BRD4: variants seen among roughly 807,000 people sequenced by gnomAD.
BRD4 encodes the protein bromodomain-containing protein 4.
A neutral mutation model predicts 142.1 loss-of-function variants in BRD4; 16 were observed. The ratio of observed to expected loss-of-function variants is 0.11; its 90% confidence interval spans 0.08 to 0.17. The LOEUF (loss-of-function observed/expected upper bound fraction) is 0.17. Among genes scored for constraint, BRD4 ranks in the 10% least tolerant of loss-of-function variants. The pLI, the probability that BRD4 is intolerant of heterozygous loss-of-function variation, is 1.00. For synonymous variants in BRD4, 833 were observed against 707.5 expected (o/e 1.18, Z -2.82); for missense variants, 1,424 against 1,810.9 (o/e 0.79, Z 3.88).
chr19:15,322,697 C>CAAAAAAAAAA (rs78397797), intron 1 of BRD4, among the ~76,000 whole-genome samples: 1 of 92,294 alleles, frequency 1.1e-5, no homozygotes, highest in Non-Finnish European at 2.2e-5. Flanking sequence ...CTAAAAAATA[C>CAAAAAAAAAA]AAAAAAAAAA....
intron 1 of BRD4, among the ~76,000 whole-genome samples, chr19:15,293,831 G>T (rs1345322128): frequency 6.6e-6 from 1 of 152,078 alleles, no homozygotes; most frequent in Non-Finnish European, 1.5e-5. Context: ...TCCTGCTCGT[G>T]GTAACCACTA....
chr19:15,238,329 A>T lies in BRD4; in HGVS notation c.*48T>A, dbSNP rs763563522. 1.2e-6 allele frequency: 2 copies of T among 1,612,572 alleles called. No homozygotes were observed. The highest frequency in any genetic ancestry group is 2.2e-5 in the South Asian group (2 of 90,902). ...CACCACCGCCCCTAACACTATGGAA[A>T]GTCAATGTTTTGCCAGAAAATCAAA... On this transcript the variant is annotated 3_prime_UTR_variant, in exon 20 of 20. Coordinates refer to ENST00000679869, the MANE Select transcript of BRD4 (RefSeq NM_001379291.1). This position sits in a 1 kb window ranked among gnomAD's most constrained non-coding sequence, Gnocchi z 7.2.
At chr19:15,242,050 G>C (rs542576674) in intron 14 of BRD4, among the ~76,000 whole-genome samples, 2 of 152,224 alleles carry the variant, frequency 1.3e-5, no homozygotes, top group South Asian at 4.1e-4. Flanking sequence ...CTGACATCAG[G>C]TGATCCACCT....
At chr19:15,310,064 T>G (rs1233508746) in intron 1 of BRD4, among the ~76,000 whole-genome samples, 1 of 151,640 alleles carries the variant, frequency 6.6e-6, no homozygotes, top group East Asian at 1.9e-4. Context: ...AAATGTTAAT[T>G]CTGTGAGCCT....
At chr19:15,302,832 C>T (rs1224165281) in intron 1 of BRD4, among the ~76,000 whole-genome samples, 3 of 151,474 alleles carry the variant, frequency 2.0e-5, no homozygotes, top group Non-Finnish European at 4.4e-5. Context: ...AGTGAAACCC[C>T]GTCTCTACTA....
At chr19:15,294,866 T>C (rs2047810921) in intron 1 of BRD4, among the ~76,000 whole-genome samples, 1 of 152,160 alleles carries the variant, frequency 6.6e-6, no homozygotes, top group South Asian at 2.1e-4. Context: ...TCAAGGATAT[T>C]GAAAGGTGTG....
intron 1 of BRD4, among the ~76,000 whole-genome samples, chr19:15,331,061 G>A (rs1324495321): frequency 6.6e-6 from 1 of 152,006 alleles, no homozygotes; most frequent in Non-Finnish European, 1.5e-5. Flanking sequence ...ATTCCAAGGG[G>A]TCACTAGCAT....
In BRD4 at chr19:15,238,030, C is replaced by T. The variant is rs200367617; in HGVS notation, c.*347G>A. 3.9e-5 allele frequency: 10 copies of T among 258,340 alleles called. No individual in the cohort carries two copies. Among genetic ancestry groups the T allele is most frequent in the Non-Finnish European group, 5.9e-5 (8 of 135,112 alleles). The allele number at this position is 258,340 out of a possible 1,614,324, so 16.0% of individuals were successfully genotyped here. ...AGAAAACCAGTCACGGCGGCAGCAA[C>T]GATGTCCTGTGTATACTGTGTAGAC... On this transcript the variant is annotated 3_prime_UTR_variant, in exon 20 of 20. Coordinates refer to ENST00000679869, the MANE Select transcript of BRD4 (RefSeq NM_001379291.1). The surrounding 1 kb of genome is among the most constrained non-coding windows in gnomAD (Gnocchi z 7.2).
chr19:15,238,800 C>T lies in BRD4; in HGVS notation c.3963G>A (p.Leu1321=). The change falls in exon 19 of 20, where the codon CTG becomes CTA. Residue 1321 remains leucine (L), a synonymous_variant. Transcript: ENST00000679869. This position sits in a 1 kb window ranked among gnomAD's most constrained non-coding sequence, Gnocchi z 7.2. ...TCCGGGCCAACTCCCTCTGCTGGTC[C>T]AGCATGGACTGGGGCTGGGAGCTCT... ...QAQSSQPQSM[L]DQQRELARKR... 1 of 1,598,174 alleles carries T rather than the reference C, an allele frequency of 6.3e-7. No homozygotes were observed. The highest frequency in any genetic ancestry group is 8.5e-7 in the Non-Finnish European group (1 of 1,169,960).
chr19:15,287,396 A>C (rs1357748258), intron 1 of BRD4, among the ~76,000 whole-genome samples: 1 of 152,200 alleles, frequency 6.6e-6, no homozygotes, highest in African/African-American at 2.4e-5. Flanking sequence ...ATCTAGCTCC[A>C]GAACTTTTTA....
chr19:15,269,088 C>G, intron 2 of BRD4, 46 bp from the exon 3 acceptor site: 1 of 1,608,344 alleles, frequency 6.2e-7, no homozygotes, highest in Non-Finnish European at 8.5e-7. Flanking sequence ...GGCAGCCAGG[C>G]AGCACAAACG....
At chr19:15,261,481 CAAAA>C (rs1022955991) in intron 7 of BRD4, among the ~76,000 whole-genome samples, 3 of 141,768 alleles carry the variant, frequency 2.1e-5, no homozygotes, top group Non-Finnish European at 4.6e-5. Context: ...GACTCCATCT[CAAAA>C]AAAAAAGAAA....
At chr19:15,325,086 C>T (rs758699303) in intron 1 of BRD4, among the ~76,000 whole-genome samples, 4 of 152,166 alleles carry the variant, frequency 2.6e-5, no homozygotes, top group East Asian at 3.9e-4. Context: ...TATTCTTCAC[C>T]TTGGGCAAGG....
rs549500761 is a variant in BRD4, at chr19:15,330,704, T to C, written c.-35+1586A>G. 2.4e-4 allele frequency among the ~76,000 whole-genome samples: 37 copies of C among 152,182 alleles called. No individual in the cohort carries two copies. The South Asian group carries it at 6.9e-3, about 28-fold the overall frequency. On this transcript the variant is annotated intron_variant, in intron 1 of 19. Transcript: ENST00000679869. ...ATCGCTTGAACCCAGGAGGCAGAGG[T>C]TGCAGTGAGCCGAGATCGCGCCACT...
At chr19:15,294,185 C>G (rs1438507687) in intron 1 of BRD4, among the ~76,000 whole-genome samples, 1 of 152,246 alleles carries the variant, frequency 6.6e-6, no homozygotes, top group Non-Finnish European at 1.5e-5. Flanking sequence ...TACTCTGAAA[C>G]TAAACATTTC....
rs149695192 is a variant in BRD4 at position 15,245,382 on chromosome 19, G to A, written c.2159-620C>T. Among the ~76,000 whole-genome samples the A allele has an allele frequency of 3.2e-4, 49 of 152,024 alleles. No homozygotes were observed. The East Asian group carries it at 6.0e-3, about 19-fold the overall frequency. On this transcript the variant is annotated intron_variant, in intron 11 of 19. Coordinates refer to ENST00000679869, the MANE Select transcript of BRD4 (RefSeq NM_001379291.1). Reference sequence around the variant, plus strand: ...AGGGAAAACACAGAGAGCCCACTCCGGGAGAAAAAAAAGGAGCAGGCTGGC... The same window carrying A: ...AGGGAAAACACAGAGAGCCCACTCCAGGAGAAAAAAAAGGAGCAGGCTGGC...
At chr19:15,312,664 G>A (rs2047982052) in intron 1 of BRD4, among the ~76,000 whole-genome samples, 2 of 151,780 alleles carry the variant, frequency 1.3e-5, no homozygotes, top group African/African-American at 4.8e-5. Flanking sequence ...GGCTGTGCAC[G>A]GTGGCTCACA....
At chr19:15,276,309 G>T (rs910148185) in intron 1 of BRD4, among the ~76,000 whole-genome samples, 1 of 152,164 alleles carries the variant, frequency 6.6e-6, no homozygotes, top group Non-Finnish European at 1.5e-5. Flanking sequence ...CTTTTCTAAG[G>T]CCCAGATTTG....
At chr19:15,246,181 T>C (rs1315732943) in intron 11 of BRD4, among the ~76,000 whole-genome samples, 2 of 152,010 alleles carry the variant, frequency 1.3e-5, no homozygotes, top group African/African-American at 4.8e-5. Flanking sequence ...GAGTATGACA[T>C]CTGATGAGAG....
Sources: allele counts gnomAD v4.1 joint callset (sites outside exome capture counted in the v4.1 genomes callset), GRCh38; gene constraint gnomAD v4.1.1; non-coding constraint Gnocchi (gnomAD v3.1); transcripts MANE v1.5; gene names NCBI Gene and HGNC (gene_info 2026-07-23, HGNC 2026-07-21).